KDM4C: variants seen among roughly 807,000 people sequenced by gnomAD.
KDM4C encodes the protein lysine demethylase 4C, also known as lysine-specific demethylase 4C.
A neutral mutation model predicts 129.3 loss-of-function variants in KDM4C; 81 were observed. That is an observed-to-expected ratio of 0.63 (90% CI 0.52 to 0.75). KDM4C has a LOEUF of 0.75. Ranked by LOEUF, KDM4C falls within the 30% of genes least tolerant of loss-of-function variation. The probability of loss-of-function intolerance (pLI) is 0.00; values close to 1 mark genes in which losing one functional copy is unlikely to be tolerated. For synonymous variants in KDM4C, 573 were observed against 456.1 expected (o/e 1.26, Z -3.26); for missense variants, 1,457 against 1,304.0 (o/e 1.12, Z -1.81).
At chr9:7,052,496 C>T (rs577507427) in intron 17 of KDM4C, among the ~76,000 whole-genome samples, 7 of 152,218 alleles carry the variant, frequency 4.6e-5, no homozygotes, top group African/African-American at 7.2e-5. Flanking sequence ...TGCCTTTCCA[C>T]GGTTTCTCCT....
At chr9:6,981,507 A>G (rs10739113) in intron 9 of KDM4C, among the ~76,000 whole-genome samples, 48,269 of 151,924 alleles carry the variant, frequency 0.32, 7,882 homozygotes, top group Middle Eastern at 0.46. Context: ...TATCTTCTTC[A>G]TTTGTCCAAC....
chr9:6,981,897 A>G (rs1436384202), intron 9 of KDM4C: 1 of 252,678 alleles, frequency 4.0e-6, no homozygotes, highest in African/African-American at 2.2e-5. Flanking sequence ...GGAAAAGAAT[A>G]ATGAAGGAAT....
chr9:6,919,052 C>T (rs138216620), intron 8 of KDM4C, among the ~76,000 whole-genome samples: 1 of 152,162 alleles, frequency 6.6e-6, no homozygotes, highest in African/African-American at 2.4e-5. Flanking sequence ...GGGGTTTCAC[C>T]ATCTTGGCCA....
chr9:7,068,686 C>CTTTTTTTTT (rs542039227), intron 17 of KDM4C, among the ~76,000 whole-genome samples: 31 of 101,746 alleles, frequency 3.0e-4, no homozygotes, highest in African/African-American at 1.0e-3. Context: ...GATGCCCTTT[C>CTTTTTTTTT]TTTTTTTTTT....
chr9:7,046,541 T>C (rs1188842910), intron 15 of KDM4C, among the ~76,000 whole-genome samples: 1 of 152,000 alleles, frequency 6.6e-6, no homozygotes, highest in Non-Finnish European at 1.5e-5. Flanking sequence ...ACTAGGTGTG[T>C]GGACTAGGTT....
At chr9:6,787,393 TG>T (rs766823543) in intron 1 of KDM4C, among the ~76,000 whole-genome samples, 1 of 152,116 alleles carries the variant, frequency 6.6e-6, no homozygotes, top group Non-Finnish European at 1.5e-5. Context: ...CCACCACACC[TG>T]GCTAATTTTT....
intron 4 of KDM4C, among the ~76,000 whole-genome samples, chr9:6,847,704 C>T (rs553656483): frequency 7.2e-5 from 11 of 152,134 alleles, no homozygotes; most frequent in East Asian, 3.9e-4. Context: ...CTTCTCTAAA[C>T]GGATACTTTG....
intron 8 of KDM4C, among the ~76,000 whole-genome samples, chr9:6,920,093 T>A (rs192042416): frequency 6.6e-6 from 1 of 151,536 alleles, no homozygotes; most frequent in East Asian, 2.0e-4. Context: ...AGAACTGGAG[T>A]TGTCACTCCA....
intron 19 of KDM4C, among the ~76,000 whole-genome samples, chr9:7,130,857 C>G (rs1420951688): frequency 3.3e-5 from 5 of 151,908 alleles, no homozygotes; most frequent in African/African-American, 2.4e-5. Flanking sequence ...CTCCTGGGCT[C>G]CGGTGATCCT....
chr9:7,105,074 G>A (rs999570084), intron 18 of KDM4C, among the ~76,000 whole-genome samples: 3 of 152,122 alleles, frequency 2.0e-5, no homozygotes, highest in African/African-American at 7.2e-5. Context: ...AGTTTCTTGA[G>A]TTGATGTCCT....
intron 4 of KDM4C, among the ~76,000 whole-genome samples, chr9:6,848,195 A>G (rs977264330): frequency 5.3e-5 from 8 of 152,266 alleles, no homozygotes; most frequent in African/African-American, 9.6e-5. Context: ...CACCTGGCCA[A>G]TGCGCTTCTC....
chr9:6,963,069 C>G (rs1025485258), intron 8 of KDM4C, among the ~76,000 whole-genome samples: 1 of 152,178 alleles, frequency 6.6e-6, no homozygotes, highest in Non-Finnish European at 1.5e-5. Context: ...ATGCAAATTA[C>G]TTAATCTTTC....
chr9:6,941,518 A>G (rs1037248621), intron 8 of KDM4C: 10 of 152,244 alleles, frequency 6.6e-5, no homozygotes, highest in African/African-American at 2.4e-4. Context: ...AAGCATAACA[A>G]CTAAAAAAAA....
chr9:7,136,852 A>G (rs1302772783), intron 19 of KDM4C, among the ~76,000 whole-genome samples: 1 of 152,202 alleles, frequency 6.6e-6, no homozygotes, highest in Non-Finnish European at 1.5e-5. Context: ...CTTTTTCTTA[A>G]TGGATCATGT....
At chr9:6,745,538 T>G (rs953868198) in intron 1 of KDM4C, among the ~76,000 whole-genome samples, 1 of 141,354 alleles carries the variant, frequency 7.1e-6, no homozygotes, top group African/African-American at 2.7e-5. Context: ...ACAGAGGAGG[T>G]GTGATGGCAC....
intron 8 of KDM4C, among the ~76,000 whole-genome samples, chr9:6,934,909 C>A (rs1225907206): frequency 6.6e-6 from 1 of 151,120 alleles, no homozygotes; most frequent in Non-Finnish European, 1.5e-5. Context: ...ATTAGGTATA[C>A]CAGATTTCTT....
intron 8 of KDM4C, among the ~76,000 whole-genome samples, chr9:6,970,681 G>T (rs1831815210): frequency 6.6e-6 from 1 of 152,208 alleles, no homozygotes; most frequent in South Asian, 2.1e-4. Flanking sequence ...ACTTAGAATA[G>T]TTGAGAAGCC....
At chr9:6,992,772 C>G (rs1168102981) in intron 12 of KDM4C, among the ~76,000 whole-genome samples, 1 of 152,188 alleles carries the variant, frequency 6.6e-6, no homozygotes, top group Non-Finnish European at 1.5e-5. Context: ...TATTCTGCTC[C>G]TTTTGCACTC....
chr9:6,737,400 C>T (rs1401546554), intron 1 of KDM4C, among the ~76,000 whole-genome samples: 1 of 151,378 alleles, frequency 6.6e-6, no homozygotes, highest in African/African-American at 2.4e-5. Context: ...GTGGCTCATG[C>T]CTGTAATCTC....
Sources: allele counts gnomAD v4.1 joint callset (sites outside exome capture counted in the v4.1 genomes callset), GRCh38; gene constraint gnomAD v4.1.1; transcripts MANE v1.5; gene names NCBI Gene and HGNC (gene_info 2026-07-23, HGNC 2026-07-21).